DOCK5: variants seen among roughly 807,000 people sequenced by gnomAD.
DOCK5 encodes the protein dedicator of cytokinesis protein 5.
A neutral mutation model predicts 251.8 loss-of-function variants in DOCK5; 142 were observed. That is an observed-to-expected ratio of 0.56 (90% CI 0.49 to 0.65). The LOEUF (loss-of-function observed/expected upper bound fraction) is 0.65, where lower values mean the gene tolerates loss of function less well. Among genes scored for constraint, DOCK5 ranks in the 30% least tolerant of loss-of-function variants. The pLI, the probability that DOCK5 is intolerant of heterozygous loss-of-function variation, is 0.00. For missense variants in DOCK5, 2,111 were observed against 2,312.3 expected (o/e 0.91, Z 1.79); for synonymous variants, 842 against 835.5 (o/e 1.01, Z -0.13).
intron 45 of DOCK5, 97 bp from the exon 46 acceptor site, chr8:25,399,814 C>G: frequency 1.2e-6 from 1 of 868,396 alleles, no homozygotes; most frequent in South Asian, 1.6e-5. Flanking sequence ...TTAGACACAT[C>G]TGGTTCTTCC....
intron 48 of DOCK5, 48 bp downstream of exon 48, chr8:25,403,772 C>G: frequency 6.3e-7 from 1 of 1,589,714 alleles, no homozygotes; most frequent in Non-Finnish European, 8.6e-7. Flanking sequence ...TAACGCCTTA[C>G]TAATGTTTGC....
chr8:25,301,175 C>A (rs1286632906), intron 9 of DOCK5, among the ~76,000 whole-genome samples: 1 of 152,196 alleles, frequency 6.6e-6, no homozygotes, highest in Non-Finnish European at 1.5e-5. Context: ...GAAAAAACAG[C>A]ACATATAGAG....
rs1214226693 is a variant in DOCK5, at chr8:25,217,078, TATATA to T, written c.44-26591_44-26587del. ...GATGTATACAATATGTATATATGTA[TATATA>T]ATATGTGTATATATACACATATATA... On this transcript the variant is annotated intron_variant, in intron 1 of 51. Transcript: ENST00000276440. Among the ~76,000 whole-genome samples the T allele has an allele frequency of 3.4e-5, 5 of 147,844 alleles. No homozygotes were observed. In the Admixed American group the frequency reaches 3.4e-4, roughly 10 times the overall value.
At chr8:25,391,197 CTGTGTGTGTGTGTGTGTGTGTGTGTGTG>C (rs760981712) in intron 42 of DOCK5, among the ~76,000 whole-genome samples, 1 of 22,846 alleles carries the variant, frequency 4.4e-5, no homozygotes, top group African/African-American at 5.1e-5. Flanking sequence ...ACCACCACAC[CTGTGTGTGTGTGTGTGTGTGTGTGTGTG>C]TGTGTGTGTG....
chr8:25,267,285 A>G (rs1348889971), intron 2 of DOCK5, among the ~76,000 whole-genome samples: 1 of 152,296 alleles, frequency 6.6e-6, no homozygotes, highest in East Asian at 1.9e-4. Flanking sequence ...CCTTGATGCA[A>G]GCCACAATTC....
rs1347357797 is a variant in DOCK5 at position 25,364,645 on chromosome 8, A to T, written c.3064A>T (p.Asn1022Tyr). Residue 1022 changes from asparagine (N) to tyrosine (Y), a missense_variant, in exon 30 of 52, where the codon AAT becomes TAT. By Grantham distance (143) the Asn-to-Tyr change is moderately radical. Around this residue, in one of 3 missense-constraint regions of DOCK5, gnomAD observed 1,717 missense variants for 1,892.4 expected, o/e 0.91. Transcript: ENST00000276440. ...TQNRVFLRAI[N>Y]QFAEVLTRFF... Reference sequence around the variant, plus strand: ...CCGCAGGGTTTTTCTCCGTGCTATAAATCAGTTTGCTGAAGTTCTCACAAG... The same window carrying T: ...CCGCAGGGTTTTTCTCCGTGCTATATATCAGTTTGCTGAAGTTCTCACAAG... The T allele has an allele frequency of 2.5e-6, 4 of 1,601,568 alleles. No homozygotes were observed. The highest frequency in any genetic ancestry group is 2.6e-6 in the Non-Finnish European group (3 of 1,172,704).
At chr8:25,380,897 T>C (rs1801053913) in intron 39 of DOCK5, among the ~76,000 whole-genome samples, 1 of 149,562 alleles carries the variant, frequency 6.7e-6, no homozygotes, top group Admixed American at 6.7e-5. Flanking sequence ...GCAGCACCAT[T>C]CCGAATGCCC....
At chr8:25,190,946 G>T (rs565241458) in intron 1 of DOCK5, among the ~76,000 whole-genome samples, 115 of 151,972 alleles carry the variant, frequency 7.6e-4, no homozygotes, top group Non-Finnish European at 7.4e-5. Context: ...ACTGCGCCAG[G>T]CTAATTTTTT....
At position 25,377,381 on chromosome 8, in the gene DOCK5, A is replaced by G. The variant is rs764956345; in HGVS notation, c.3893A>G (p.Glu1298Gly). 6.2e-7 allele frequency: 1 copy of G among 1,613,890 alleles called. No individual in the cohort carries two copies. The highest frequency in any genetic ancestry group is 1.7e-5 in the Admixed American group (1 of 60,026). Reference sequence around the variant, plus strand: ...GTTTATACCCAGCAAGAGCTTAAAGAGAAGCTGTATCAAGAAATCATATCA... The same window carrying G: ...GTTTATACCCAGCAAGAGCTTAAAGGGAAGCTGTATCAAGAAATCATATCA... Reference protein sequence around the residue: ...YYVYTQQELKEKLYQEIISYF... With the variant: ...YYVYTQQELKGKLYQEIISYF... The change falls in exon 38 of 52, where the codon GAG becomes GGG. Residue 1298 changes from glutamate (E) to glycine (G), a missense_variant. Glu to Gly is a moderately conservative substitution (Grantham distance 98). Around this residue, in one of 3 missense-constraint regions of DOCK5, gnomAD observed 1,717 missense variants for 1,892.4 expected, o/e 0.91. Coordinates refer to ENST00000276440, the MANE Select transcript of DOCK5 (RefSeq NM_024940.8).
intron 5 of DOCK5, among the ~76,000 whole-genome samples, chr8:25,285,781 G>C (rs17061015): frequency 0.032 from 4,913 of 152,224 alleles, 266 homozygotes; most frequent in African/African-American, 0.11. Context: ...TTATTACCAA[G>C]AACAGAAAAT....
chr8:25,341,048 C>G (rs199849570), intron 23 of DOCK5, 60 bp downstream of exon 23: 1 of 1,337,070 alleles, frequency 7.5e-7, no homozygotes, highest in Admixed American at 2.0e-5. Context: ...GTTCTGGGAC[C>G]GCTTAGAATT....
chr8:25,239,319 A>ATGTGTG (rs746237389), intron 1 of DOCK5, among the ~76,000 whole-genome samples: 12 of 131,062 alleles, frequency 9.2e-5, no homozygotes, highest in African/African-American at 2.8e-4. Flanking sequence ...GTGCGTGTAT[A>ATGTGTG]TGTGTGTGTG....
At chr8:25,321,190 A>G (rs1223958049) in intron 16 of DOCK5, 138 bp downstream of exon 16, 1 of 716,172 alleles carries the variant, frequency 1.4e-6, no homozygotes, top group Non-Finnish European at 2.4e-6. Context: ...CACTGGTGCT[A>G]AGGAAATCAG....
chr8:25,256,201 G>T (rs2117573210), intron 2 of DOCK5, among the ~76,000 whole-genome samples: 1 of 152,314 alleles, frequency 6.6e-6, no homozygotes, highest in Non-Finnish European at 1.5e-5. Context: ...AGATATGTGT[G>T]TGTGTGTTTA....
intron 6 of DOCK5, 135 bp from the exon 7 acceptor site, chr8:25,296,378 A>G (rs1185050708): frequency 4.5e-6 from 5 of 1,120,892 alleles, no homozygotes; most frequent in Non-Finnish European, 6.2e-6. Context: ...AGAAAAGTCA[A>G]TGAGGTGTGC....
chr8:25,392,602 C>T (rs1375822669), intron 43 of DOCK5, among the ~76,000 whole-genome samples, 194 bp from the exon 44 acceptor site: 2 of 152,144 alleles, frequency 1.3e-5, no homozygotes, highest in Non-Finnish European at 2.9e-5. Context: ...AGTAGACGAT[C>T]CCTTTCAGCT....
At chr8:25,287,953 T>G (rs1013597316) in intron 5 of DOCK5, among the ~76,000 whole-genome samples, 2 of 150,414 alleles carry the variant, frequency 1.3e-5, no homozygotes, top group Non-Finnish European at 3.0e-5. Context: ...TGGTGTGATC[T>G]CGGCTTGCAG....
At chr8:25,325,107 T>C (rs867698110) in intron 17 of DOCK5, among the ~76,000 whole-genome samples, 3 of 152,256 alleles carry the variant, frequency 2.0e-5, no homozygotes, top group East Asian at 1.9e-4. Context: ...TTCTGAAATA[T>C]GTGTATTTAC....
At chr8:25,191,472 A>G (rs867579753) in intron 1 of DOCK5, among the ~76,000 whole-genome samples, 31 of 152,202 alleles carry the variant, frequency 2.0e-4, no homozygotes, top group African/African-American at 7.0e-4. Flanking sequence ...AGTTATTTTA[A>G]ATTAATTACC....
Sources: gnomAD v4.1 joint callset for allele counts (sites outside exome capture counted in the v4.1 genomes callset) on GRCh38, gnomAD v4.1.1 for gene constraint, gnomAD v4.1.1 regional missense constraint, MANE v1.5 for transcripts, NCBI Gene and HGNC (gene_info 2026-07-23, HGNC 2026-07-21) for gene names.